STIM2: variants seen among roughly 807,000 people sequenced by gnomAD.
STIM2 encodes the protein stromal interaction molecule 2.
STIM2 carries 31 observed loss-of-function variants against 85.8 expected under a neutral mutation model. The observed-to-expected ratio is 0.36, with a 90% CI of 0.27 to 0.49. STIM2 has a LOEUF of 0.49. Ranked by LOEUF, STIM2 falls within the 20% of genes least tolerant of loss-of-function variation. The pLI is 0.98. For synonymous variants in STIM2, 356 were observed against 331.1 expected (o/e 1.08, Z -0.82); for missense variants, 841 against 927.6 (o/e 0.91, Z 1.21).
rs1231100522 is a variant in STIM2 at position 26,919,585 on chromosome 4, A to G, written c.233A>G (p.Gln78Arg). 1 of 1,613,740 alleles carries G rather than the reference A, an allele frequency of 6.2e-7. No individual in the cohort carries two copies. The highest frequency in any genetic ancestry group is 8.5e-7 in the Non-Finnish European group (1 of 1,179,730). ...GAAGCTCTTCAAACAATACATAAAC[A>G]AATGGATGATGACAAAGATGGTGGA... is the stretch of plus-strand genomic sequence containing the variant. Residue 78 changes from glutamine (Q) to arginine (R), a missense_variant, in exon 2 of 12, where the codon CAA becomes CGA. Physicochemically the swap from Gln to Arg is conservative, Grantham distance 43. Coordinates refer to ENST00000467087, the MANE Select transcript of STIM2 (RefSeq NM_020860.4).
intron 11 of STIM2, among the ~76,000 whole-genome samples, chr4:27,020,747 C>G (rs898480370): frequency 4.6e-5 from 7 of 152,112 alleles, no homozygotes; most frequent in African/African-American, 1.7e-4. Flanking sequence ...GGTAAGAGAT[C>G]ATTTAGTTTA....
Position 26,999,271 on chromosome 4 carries a change from G to GA in STIM2, c.553dup (p.Ile185AsnfsTer3). 6.2e-7 allele frequency: 1 copy of GA among 1,609,380 alleles called. No homozygotes were observed. The highest frequency in any genetic ancestry group is 8.5e-7 in the Non-Finnish European group (1 of 1,177,750). ...AACCTTCATTTATGATCTCCCAGTT[G>GA]AAAATCAGTGACCGGAGTCACAGAC... On this transcript the variant is annotated frameshift_variant, in exon 5 of 12. Transcript: ENST00000467087. LOFTEE classifies it high-confidence loss of function.
In STIM2 at chr4:26,901,532, G is replaced by A. The variant is rs550279201; in HGVS notation, c.152-17972G>A. 4.5e-4 allele frequency among the ~76,000 whole-genome samples: 69 copies of A among 152,034 alleles called. 1 individual carries two copies. In the South Asian group the frequency reaches 0.011, roughly 25 times the overall value. ...TCCTCATTGCAAAGGTATAACTTGC[G>A]TCTGCCACAGAGAAGAGTTTGTCCT... On this transcript the variant is annotated intron_variant, in intron 1 of 11. Transcript: ENST00000467087.
At chr4:27,010,373 G>A (rs1272982658) in intron 10 of STIM2, among the ~76,000 whole-genome samples, 1 of 152,176 alleles carries the variant, frequency 6.6e-6, no homozygotes, top group East Asian at 1.9e-4. Context: ...GAACCCTGGA[G>A]GCAGAGGCTG....
At chr4:27,013,701 G>C (rs1728638809) in intron 10 of STIM2, among the ~76,000 whole-genome samples, 1 of 152,010 alleles carries the variant, frequency 6.6e-6, no homozygotes, top group Admixed American at 6.5e-5. Flanking sequence ...ACCTTGTGGA[G>C]ATATGTCAAA....
chr4:26,951,146 T>G (rs1188160919), intron 2 of STIM2, among the ~76,000 whole-genome samples: 6 of 152,192 alleles, frequency 3.9e-5, no homozygotes, highest in African/African-American at 1.4e-4. Context: ...CATAAAATTT[T>G]TATTCATAAT....
Position 26,873,877 on chromosome 4 carries a change from A to G in STIM2, c.151+12508A>G, listed in dbSNP as rs1722721474. 2.4e-6 allele frequency: 3 copies of G among 1,273,380 alleles called. No homozygotes were observed. In the East Asian group the frequency reaches 7.3e-5, roughly 31 times the overall value. The allele number at this position is 1,273,380 out of a possible 1,614,324, so 78.9% of individuals were successfully genotyped here. ...AACCCATCCGGGCAGAGAGGCAGTG[A>G]TGCTCCTTCTCCCAGGGGTCTGCGG... On this transcript the variant is annotated intron_variant, in intron 1 of 11. Coordinates refer to ENST00000467087, the MANE Select transcript of STIM2 (RefSeq NM_020860.4).
chr4:26,961,940 G>A lies in STIM2; in HGVS notation c.397+4214G>A, dbSNP rs74336593. Among the ~76,000 whole-genome samples, 220 of 151,990 alleles carry A rather than the reference G, an allele frequency of 1.4e-3. 3 individuals carry two copies. The East Asian group carries it at 0.019, about 13-fold the overall frequency. On this transcript the variant is annotated intron_variant, in intron 3 of 11. Coordinates refer to ENST00000467087, the MANE Select transcript of STIM2 (RefSeq NM_020860.4). ...CTTATTTTTTATTTTTTGTTGGGAC[G>A]GGATCTTACTATGTTGCCAAGTCTT... is the stretch of plus-strand genomic sequence containing the variant.
chr4:27,006,469 A>G (rs1728361954), intron 7 of STIM2, among the ~76,000 whole-genome samples: 1 of 152,168 alleles, frequency 6.6e-6, no homozygotes, highest in Non-Finnish European at 1.5e-5. Context: ...GACACGCAGG[A>G]TGCTCCGTAG....
At chr4:26,906,904 T>C (rs1382590958) in intron 1 of STIM2, among the ~76,000 whole-genome samples, 1 of 151,468 alleles carries the variant, frequency 6.6e-6, no homozygotes, top group East Asian at 1.9e-4. Context: ...GAGGTGGAGC[T>C]TGCAGTGAGC....
intron 3 of STIM2, among the ~76,000 whole-genome samples, chr4:26,979,693 G>A (rs1307137269): frequency 2.0e-5 from 3 of 152,090 alleles, no homozygotes; most frequent in Non-Finnish European, 2.9e-5. Flanking sequence ...ATCTAGGAGA[G>A]CATGCCTTTA....
chr4:26,871,802 G>A (rs931915429), intron 1 of STIM2, among the ~76,000 whole-genome samples: 4 of 145,526 alleles, frequency 2.7e-5, no homozygotes, highest in South Asian at 2.2e-4. Context: ...CCTCGGCCCC[G>A]CAAAGTAATT....
intron 1 of STIM2, among the ~76,000 whole-genome samples, chr4:26,911,699 T>G (rs1022258859): frequency 6.6e-6 from 1 of 152,222 alleles, no homozygotes; most frequent in African/African-American, 2.4e-5. Flanking sequence ...TTCCCTTTCT[T>G]ATTTGCTGTT....
intron 3 of STIM2, among the ~76,000 whole-genome samples, chr4:26,970,320 C>T (rs537706018): frequency 2.9e-4 from 44 of 150,534 alleles, no homozygotes; most frequent in African/African-American, 1.0e-3. Flanking sequence ...CCTAGGTATA[C>T]GTGTGCCATG....
intron 10 of STIM2, among the ~76,000 whole-genome samples, chr4:27,017,125 A>G (rs1045933965): frequency 6.6e-6 from 1 of 152,236 alleles, no homozygotes; most frequent in Non-Finnish European, 1.5e-5. Context: ...ACCCACCTGC[A>G]TGAGTCTCAA....
intron 1 of STIM2, among the ~76,000 whole-genome samples, chr4:26,878,020 C>T (rs1318573507): frequency 6.6e-6 from 1 of 152,176 alleles, no homozygotes; most frequent in African/African-American, 2.4e-5. Flanking sequence ...ACTTCCCAGC[C>T]TCCAGAACAG....
chr4:26,894,038 G>A (rs566825486), intron 1 of STIM2, among the ~76,000 whole-genome samples: 3 of 152,138 alleles, frequency 2.0e-5, no homozygotes, highest in East Asian at 1.9e-4. Context: ...ACAGGTGCCC[G>A]CCACTGCGCC....
At chr4:26,921,528 C>A (rs1309482067) in intron 2 of STIM2, among the ~76,000 whole-genome samples, 1 of 152,218 alleles carries the variant, frequency 6.6e-6, no homozygotes, top group East Asian at 1.9e-4. Flanking sequence ...ACGGGCATGG[C>A]TGTTTTCCAA....
chr4:26,992,850 C>A (rs948634401), intron 3 of STIM2, among the ~76,000 whole-genome samples: 3 of 152,064 alleles, frequency 2.0e-5, no homozygotes, highest in African/African-American at 7.2e-5. Context: ...GAATCTCCCC[C>A]CAAAATAAAT....
Sources: allele counts gnomAD v4.1 joint callset (sites outside exome capture counted in the v4.1 genomes callset), GRCh38; gene constraint gnomAD v4.1.1; transcripts MANE v1.5; gene names NCBI Gene and HGNC (gene_info 2026-07-23, HGNC 2026-07-21).